The following B3GALNT2 variants were observed in gnomAD, a reference collection of about 807,000 sequenced individuals.
B3GALNT2 encodes beta-1,3-N-acetylgalactosaminyltransferase 2, also known as UDP-GalNAc:beta-1,3-N-acetylgalactosaminyltransferase 2.
Under a neutral mutation model 61.1 loss-of-function variants are expected in B3GALNT2, and 53 were observed. That is an observed-to-expected ratio of 0.87 (90% CI 0.70 to 1.09). B3GALNT2 has a LOEUF of 1.09. Among genes scored for constraint, B3GALNT2 ranks in the 50% least tolerant of loss-of-function variants. B3GALNT2 has a pLI of 0.00. For synonymous variants in B3GALNT2, 223 were observed against 237.4 expected (o/e 0.94, Z 0.56); for missense variants, 544 against 623.0 (o/e 0.87, Z 1.35).
At chr1:235,458,571 A>C in intron 8 of B3GALNT2, 32 bp downstream of exon 8, 1 of 1,547,596 alleles carries the variant, frequency 6.5e-7, no homozygotes, top group Non-Finnish European at 8.7e-7. Context: ...CAATAAAACA[A>C]GTTCTAGCTA....
downstream of B3GALNT2, among the ~76,000 whole-genome samples, chr1:235,444,565 C>T (rs931066347): frequency 6.6e-5 from 10 of 152,060 alleles, no homozygotes; most frequent in South Asian, 2.1e-4. Flanking sequence ...CACCACACCC[C>T]GCTAATTTTT....
At chr1:235,487,424 A>G (rs1684857653) in intron 3 of B3GALNT2, among the ~76,000 whole-genome samples, 1 of 152,172 alleles carries the variant, frequency 6.6e-6, no homozygotes, top group Admixed American at 6.5e-5. Context: ...TAAATACATC[A>G]TATGTATCAA....
At chr1:235,488,692 CAAAAAAAAAAAAAAAA>C (rs11436508) in intron 3 of B3GALNT2, among the ~76,000 whole-genome samples, 3 of 37,970 alleles carry the variant, frequency 7.9e-5, no homozygotes, top group Admixed American at 5.2e-4. Flanking sequence ...ACTCCATCTC[CAAAAAAAAAAAAAAAA>C]AAAAAAAAAA....
intron 10 of B3GALNT2, 49 bp downstream of exon 10, chr1:235,454,107 G>A (rs755442291): frequency 1.3e-6 from 2 of 1,512,318 alleles, no homozygotes; most frequent in South Asian, 2.5e-5. Flanking sequence ...CCAAAGTGTT[G>A]TGATTACTGG....
At position 235,448,015 on chromosome 1, in the gene B3GALNT2, C is replaced by T. The variant is rs535623472; in HGVS notation, c.*2191G>A. Among the ~76,000 whole-genome samples, 13 of 152,006 alleles carry T rather than the reference C, an allele frequency of 8.6e-5. No homozygotes were observed. The highest frequency in any genetic ancestry group is 1.9e-4 in the Non-Finnish European group (13 of 68,006). ...CACGAGGTCAGGAGTTCAAGACCAGCCTGGCCAACATGGTGAAACCCCGTC... is the reference window on the plus strand; with the variant it reads ...CACGAGGTCAGGAGTTCAAGACCAGTCTGGCCAACATGGTGAAACCCCGTC... On this transcript the variant is annotated 3_prime_UTR_variant, in exon 12 of 12. Coordinates refer to ENST00000366600, the MANE Select transcript of B3GALNT2 (RefSeq NM_152490.5).
chr1:235,487,504 G>A (rs1032187620), intron 3 of B3GALNT2, among the ~76,000 whole-genome samples: 2 of 152,132 alleles, frequency 1.3e-5, no homozygotes, highest in African/African-American at 4.8e-5. Context: ...TGATAAAACT[G>A]AGGCAGAGGA....
At chr1:235,465,497 C>A in intron 7 of B3GALNT2, 139 bp downstream of exon 7, 2 of 1,321,846 alleles carry the variant, frequency 1.5e-6, no homozygotes, top group Non-Finnish European at 2.0e-6. Flanking sequence ...ACTAAAACCA[C>A]TGAACCACTT....
chr1:235,476,533 C>T (rs1273895209), intron 5 of B3GALNT2, among the ~76,000 whole-genome samples: 3 of 151,506 alleles, frequency 2.0e-5, no homozygotes, highest in East Asian at 2.0e-4. Context: ...GCCAACATAG[C>T]GACACACCCA....
Position 235,472,558 on chromosome 1 carries a change from A to G in B3GALNT2, c.652-1598T>C, listed in dbSNP as rs559140978. ...TTTTATTATTAAACTAACTGCCTCT[A>G]CTAGAAGACAAACACCTTGAGAACA... is the stretch of plus-strand genomic sequence containing the variant. On this transcript the variant is annotated intron_variant, in intron 5 of 11. Transcript: ENST00000366600. 3.3e-5 allele frequency among the ~76,000 whole-genome samples: 5 copies of G among 152,332 alleles called. No homozygotes were observed. The Middle Eastern group carries it at 0.01, about 311-fold the overall frequency.
At chr1:235,474,981 ATATATATTTTTTT>A (rs1301659455) in intron 5 of B3GALNT2, among the ~76,000 whole-genome samples, 2 of 37,472 alleles carry the variant, frequency 5.3e-5, no homozygotes, top group African/African-American at 1.5e-4. Context: ...ATATATATAT[ATATATATTTTTTT>A]TTTTTTTTTT....
chr1:235,504,222 A>C lies in B3GALNT2; in HGVS notation c.31T>G (p.Cys11Gly), dbSNP rs953296331. 167 of 1,473,314 alleles carry C rather than the reference A, an allele frequency of 1.1e-4. 1 individual carries two copies. The highest frequency in any genetic ancestry group is 1.5e-4 in the Non-Finnish European group (164 of 1,119,152). 91.3% of individuals were successfully genotyped at this position (1,473,314 alleles called of 1,614,324 possible). A position where few individuals can be genotyped will look rare whatever the true frequency, so the allele number is the denominator to read the frequency against. Residue 11 changes from cysteine (C) to glycine (G), a missense_variant, in exon 1 of 12, where the codon TGT becomes GGT. Cys to Gly is a radical substitution (Grantham distance 159). Transcript: ENST00000366600. ...AGGTGCAGCGCGGCCCCGAGCACACACGGGCACAGCAGCACCAGCCAGTTT... is the reference window on the plus strand; with the variant it reads ...AGGTGCAGCGCGGCCCCGAGCACACCCGGGCACAGCAGCACCAGCCAGTTT... MRNWLVLLCP[C>G]VLGAALHLWL...
Position 235,504,293 on chromosome 1 carries a change from C to G in B3GALNT2, c.-41G>C, listed in dbSNP as rs1225258399. On this transcript the variant is annotated 5_prime_UTR_variant, in exon 1 of 12. Coordinates refer to ENST00000366600, the MANE Select transcript of B3GALNT2 (RefSeq NM_152490.5). ...CGAGCCGGGCTCTCCCGCGTCCCGG[C>G]GGAGAGGGAGGGGACCTGCAAGTGC... The G allele has an allele frequency of 7.4e-6, 11 of 1,478,776 alleles. No homozygotes were observed. The highest frequency in any genetic ancestry group is 9.8e-6 in the Non-Finnish European group (11 of 1,119,870). The allele number at this position is 1,478,776 out of a possible 1,614,324, so 91.6% of individuals were successfully genotyped here. A position where few individuals can be genotyped will look rare whatever the true frequency, so the allele number is the denominator to read the frequency against.
rs1159752267 is a variant in B3GALNT2, at chr1:235,474,950, CATATATATAT to C, written c.652-4000_652-3991del. Among the ~76,000 whole-genome samples, 106 of 39,348 alleles carry C rather than the reference CATATATATAT, an allele frequency of 2.7e-3. 1 individual carries two copies. The highest frequency in any genetic ancestry group is 6.2e-3 in the South Asian group (5 of 804). The allele number at this position is 39,348 out of a possible 152,430, so 25.8% of individuals were successfully genotyped here. ...ATTAAGGACAACATAAAATTAGAGA[CATATATATAT>C]ATATATATATATATATATATATATA... On this transcript the variant is annotated intron_variant, in intron 5 of 11. Transcript: ENST00000366600.
intron 7 of B3GALNT2, 74 bp downstream of exon 7, chr1:235,465,562 T>C: frequency 6.4e-7 from 1 of 1,551,944 alleles, no homozygotes; most frequent in Non-Finnish European, 8.7e-7. Flanking sequence ...AAAGAAAAAA[T>C]CCTTTTCTCT....
chr1:235,484,639 G>T, intron 3 of B3GALNT2, 124 bp from the exon 4 acceptor site: 2 of 1,380,052 alleles, frequency 1.4e-6, no homozygotes, highest in Non-Finnish European at 1.9e-6. Context: ...TTCACAAATG[G>T]CAGGAATTTT....
chr1:235,484,742 C>A (rs1197118056), intron 3 of B3GALNT2: 2 of 708,308 alleles, frequency 2.8e-6, no homozygotes, highest in Non-Finnish European at 4.3e-6. Context: ...AGTTAATTAT[C>A]AGAACTGCTT....
At chr1:235,488,692 CAAAAAAAAAAAA>C (rs11436508) in intron 3 of B3GALNT2, among the ~76,000 whole-genome samples, 9 of 38,014 alleles carry the variant, frequency 2.4e-4, no homozygotes, top group African/African-American at 9.5e-4. Flanking sequence ...ACTCCATCTC[CAAAAAAAAAAAA>C]AAAAAAAAAA....
chr1:235,451,930 T>C (rs1216412336), intron 11 of B3GALNT2: 2 of 152,246 alleles, frequency 1.3e-5, no homozygotes, highest in East Asian at 1.9e-4. Context: ...AATGATGTCT[T>C]ATATTTCATG....
the B3GALNT2 span, chr1:235,440,792 T>C: frequency 6.6e-6 from 1 of 151,800 alleles, no homozygotes; most frequent in Non-Finnish European, 1.5e-5. Flanking sequence ...GAGGGCTCGC[T>C]ACCAAGGCTG....
Sources: allele counts gnomAD v4.1 joint callset (sites outside exome capture counted in the v4.1 genomes callset), GRCh38; gene constraint gnomAD v4.1.1; transcripts MANE v1.5; gene names NCBI Gene and HGNC (gene_info 2026-07-23, HGNC 2026-07-21).